ADAMTS18: variants seen among roughly 807,000 people sequenced by gnomAD.
The protein encoded by ADAMTS18 is ADAM metallopeptidase with thrombospondin type 1 motif 18, also known as A disintegrin and metalloproteinase with thrombospondin motifs 18.
Under a neutral mutation model 165.9 loss-of-function variants are expected in ADAMTS18, and 157 were observed. The observed-to-expected ratio is 0.95, with a 90% confidence interval of 0.83 to 1.08. ADAMTS18 has a LOEUF of 1.08. Among genes scored for constraint, ADAMTS18 ranks in the 50% least tolerant of loss-of-function variants. ADAMTS18 has a pLI of 0.00. For missense variants in ADAMTS18, 2,040 were observed against 1,534.0 expected, an observed-to-expected ratio of 1.33 and a Z score of -5.51; for synonymous variants, 782 against 578.2, an observed-to-expected ratio of 1.35 and a Z score of -5.06.
chr16:77,328,971 G>T lies in ADAMTS18; in HGVS notation c.1860-2933C>A, dbSNP rs8062486. Among the ~76,000 whole-genome samples, 1,359 of 152,306 alleles carry T rather than the reference G, an allele frequency of 8.9e-3. 20 individuals carry two copies. Among genetic ancestry groups the T allele is most frequent in the African/African-American group, 0.031 (1,274 of 41,552 alleles). ...AGCTCAGGCCTGTGGACTCAGTCCA[G>T]GATTTTTTTCATACTTAACTATGCC... On this transcript the variant is annotated intron_variant, in intron 12 of 22. Coordinates refer to ENST00000282849, the MANE Select transcript of ADAMTS18 (RefSeq NM_199355.4).
chr16:77,380,623 T>C (rs1488918243), intron 3 of ADAMTS18, among the ~76,000 whole-genome samples: 3 of 152,250 alleles, frequency 2.0e-5, no homozygotes, highest in South Asian at 2.1e-4. Context: ...AATGTAAAAA[T>C]GTTAAAATGC....
At chr16:77,374,238 T>C (rs1226451361) in intron 3 of ADAMTS18, among the ~76,000 whole-genome samples, 2 of 149,814 alleles carry the variant, frequency 1.3e-5, no homozygotes, top group Non-Finnish European at 2.9e-5. Flanking sequence ...AAAAAAAAAT[T>C]GTTTCTTCAT....
At position 77,374,778 on chromosome 16, in the gene ADAMTS18, G is replaced by T. The variant is rs531206799; in HGVS notation, c.496-7055C>A. On this transcript the variant is annotated intron_variant, in intron 3 of 22. Coordinates refer to ENST00000282849, the MANE Select transcript of ADAMTS18 (RefSeq NM_199355.4). The stretch of plus-strand genomic sequence containing the variant: ...GCAATTTAAAAAATAATAATAATGG[G>T]CATCCTATATTGAGACAAACACTTT... 8.6e-4 allele frequency among the ~76,000 whole-genome samples: 130 copies of T among 152,030 alleles called. 1 individual carries two copies. Among genetic ancestry groups the T allele is most frequent in the African/African-American group, 2.9e-3 (121 of 41,478 alleles).
intron 3 of ADAMTS18, among the ~76,000 whole-genome samples, chr16:77,406,539 G>A (rs1432815567): frequency 1.3e-5 from 2 of 151,914 alleles, no homozygotes; most frequent in Non-Finnish European, 2.9e-5. Context: ...GGGAAGGGGA[G>A]GACTGTCATT....
intron 11 of ADAMTS18, 69 bp downstream of exon 11, chr16:77,341,635 A>G: frequency 7.8e-7 from 1 of 1,278,112 alleles, no homozygotes; most frequent in East Asian, 2.4e-5. Context: ...TAAGGTCACA[A>G]TACAAACAGT....
rs78979053 is a variant in ADAMTS18 at position 77,353,435 on chromosome 16, G to C, written c.1614+298C>G. On this transcript the variant is annotated intron_variant, in intron 10 of 22. Transcript: ENST00000282849. ...GGATCATATAGAGAACAAAAGCAGT[G>C]ATTAGCAGCAGGTACAAACTATTGT... Among the ~76,000 whole-genome samples the C allele has an allele frequency of 6.5e-3, 991 of 152,292 alleles. 17 individuals are homozygous for C. Among genetic ancestry groups the C allele is most frequent in the African/African-American group, 0.023 (960 of 41,548 alleles).
chr16:77,409,423 T>C (rs967535390), intron 3 of ADAMTS18, among the ~76,000 whole-genome samples: 1 of 152,064 alleles, frequency 6.6e-6, no homozygotes, highest in Non-Finnish European at 1.5e-5. Flanking sequence ...AGCATTTAAC[T>C]GGGGACTGGC....
chr16:77,358,568 A>C (rs1403173733), intron 8 of ADAMTS18, among the ~76,000 whole-genome samples: 1 of 152,218 alleles, frequency 6.6e-6, no homozygotes, highest in Non-Finnish European at 1.5e-5. Context: ...TCTCAAAAAA[A>C]GAAAAAAGAT....
In ADAMTS18 at chr16:77,297,563, A is replaced by G. The variant is rs982584311; in HGVS notation, c.2675-148T>C. 97 of 718,038 alleles carry G rather than the reference A, an allele frequency of 1.4e-4. 1 individual carries two copies. In the East Asian group the frequency reaches 2.7e-3, roughly 20 times the overall value. The allele number at this position is 718,038 out of a possible 1,614,324, so 44.5% of individuals were successfully genotyped here. On this transcript the variant is annotated intron_variant, in intron 17 of 22. Coordinates refer to ENST00000282849, the MANE Select transcript of ADAMTS18 (RefSeq NM_199355.4). ...TTGTGGAACGCTTCCTTTTGATGAA[A>G]TTTGCAACTAATTTGAATTCCATTC... is the stretch of plus-strand genomic sequence containing the variant.
intron 12 of ADAMTS18, among the ~76,000 whole-genome samples, chr16:77,332,049 A>G (rs866034608): frequency 3.3e-5 from 5 of 152,262 alleles, no homozygotes; most frequent in Middle Eastern, 6.8e-3. Context: ...CACTTCACAA[A>G]TGTTAACTCA....
At chr16:77,332,817 T>G (rs1268367738) in intron 12 of ADAMTS18, among the ~76,000 whole-genome samples, 1 of 152,202 alleles carries the variant, frequency 6.6e-6, no homozygotes, top group African/African-American at 2.4e-5. Context: ...CTGATTTGAC[T>G]AGTTGTCACA....
intron 19 of ADAMTS18, 60 bp from the exon 20 acceptor site, chr16:77,293,318 A>G: frequency 7.4e-7 from 1 of 1,343,276 alleles, no homozygotes; most frequent in Non-Finnish European, 1.1e-6. Flanking sequence ...CCACATTAAA[A>G]AAAAAAACAA....
rs371449549 is a variant in ADAMTS18, at chr16:77,307,856, A to C, written c.2533-7452T>G. Among the ~76,000 whole-genome samples, 54 of 152,220 alleles carry C rather than the reference A, an allele frequency of 3.5e-4. 4 individuals carry two copies. Among genetic ancestry groups the C allele is most frequent in the Admixed American group, 2.6e-3 (39 of 15,288 alleles). On this transcript the variant is annotated intron_variant, in intron 16 of 22. Coordinates refer to ENST00000282849, the MANE Select transcript of ADAMTS18 (RefSeq NM_199355.4). ...GGAGAATTCAGCAGGCAGGGTCACAAAGGAGCTGGATGACAAGGTAATACT... is the reference window on the plus strand; with the variant it reads ...GGAGAATTCAGCAGGCAGGGTCACACAGGAGCTGGATGACAAGGTAATACT...
chr16:77,325,455 T>A (rs1290422437), intron 13 of ADAMTS18, among the ~76,000 whole-genome samples: 1 of 152,154 alleles, frequency 6.6e-6, no homozygotes, highest in Non-Finnish European at 1.5e-5. Context: ...GGCCTTCCCA[T>A]GCTTGTAATC....
At chr16:77,375,503 G>A (rs1008100771) in intron 3 of ADAMTS18, among the ~76,000 whole-genome samples, 1 of 152,190 alleles carries the variant, frequency 6.6e-6, no homozygotes, top group African/African-American at 2.4e-5. Context: ...TTCTGAGGAG[G>A]CATTTCTTGT....
chr16:77,294,933 G>T lies in ADAMTS18; in HGVS notation c.2996C>A (p.Pro999His). 6.2e-7 allele frequency: 1 copy of T among 1,614,098 alleles called. No homozygotes were observed. Residue 999 changes from proline to histidine, a missense_variant, in exon 19 of 23, where the codon CCC (proline) becomes CAC (histidine). Transcript: ENST00000282849. Reference sequence around the variant, plus strand: ...GTTTTCTCCTGTTACCTGAGACCAGGGTCCAAGGCTCCATTGTGGAGGGCA... The same window carrying T: ...GTTTTCTCCTGTTACCTGAGACCAGTGTCCAAGGCTCCATTGTGGAGGGCA... Reference protein sequence around the residue: ...HACPPQWSLGPWSQCSKTCGR... With the variant: ...HACPPQWSLGHWSQCSKTCGR...
chr16:77,302,311 C>G (rs892671122), intron 16 of ADAMTS18, among the ~76,000 whole-genome samples: 8 of 152,084 alleles, frequency 5.3e-5, no homozygotes, highest in Admixed American at 2.0e-4. Flanking sequence ...TCGGTTAAAG[C>G]AGTATTTCAA....
intron 3 of ADAMTS18, among the ~76,000 whole-genome samples, chr16:77,375,888 T>TC (rs2056943324): frequency 7.5e-6 from 1 of 134,058 alleles, no homozygotes; most frequent in African/African-American, 2.8e-5. Context: ...TTTCTTTCTT[T>TC]CCTTTTTTTT....
At chr16:77,333,241 G>C (rs2056219410) in intron 12 of ADAMTS18, among the ~76,000 whole-genome samples, 1 of 151,994 alleles carries the variant, frequency 6.6e-6, no homozygotes, top group South Asian at 2.1e-4. Flanking sequence ...CTGGTTGATT[G>C]TTACTAACCG....
Sources: allele counts gnomAD v4.1 joint callset (sites outside exome capture counted in the v4.1 genomes callset), GRCh38; gene constraint gnomAD v4.1.1; transcripts MANE v1.5; gene names NCBI Gene and HGNC (gene_info 2026-07-23, HGNC 2026-07-21).